Variants in RBBP8 observed in about 807,000 individuals in gnomAD.
The protein encoded by RBBP8 is RB binding protein 8, endonuclease.
RBBP8 carries 88 observed loss-of-function variants against 108.3 expected under a neutral mutation model. The observed-to-expected ratio is 0.81, with a 90% CI of 0.68 to 0.97. RBBP8 has a LOEUF of 0.97. Among genes scored for constraint, RBBP8 ranks in the 50% least tolerant of loss-of-function variants. RBBP8 has a pLI of 0.00. For synonymous variants in RBBP8, 332 were observed against 348.2 expected, an observed-to-expected ratio of 0.95 and a Z score of 0.52; for missense variants, 1,023 against 1,049.0, an observed-to-expected ratio of 0.98 and a Z score of 0.34.
At chr18:22,937,770 G>A (rs191853739) in intron 2 of RBBP8, among the ~76,000 whole-genome samples, 9 of 151,550 alleles carry the variant, frequency 5.9e-5, no homozygotes, top group African/African-American at 1.7e-4. Flanking sequence ...GAGCCACTGC[G>A]CCTGGCCCAA....
At position 22,990,998 on chromosome 18, in the gene RBBP8, A is replaced by G; in HGVS notation, c.869A>G (p.His290Arg). Residue 290 changes from histidine to arginine, a missense_variant, in exon 10 of 19, where the codon CAC (histidine) becomes CGC (arginine). Physicochemically the swap from His to Arg is conservative, Grantham distance 29. Coordinates refer to ENST00000327155, the MANE Select transcript of RBBP8 (RefSeq NM_002894.3). ...DELYHCLEGN[H>R]KKQPFEESTR... ...CTCTACCACTGTCTGGAAGGAAATCACAAGAAACAGCCTTTTGAGGAATCT... is the reference window on the plus strand; with the variant it reads ...CTCTACCACTGTCTGGAAGGAAATCGCAAGAAACAGCCTTTTGAGGAATCT... 1 of 1,613,858 alleles carries G rather than the reference A, an allele frequency of 6.2e-7. No homozygotes were observed. Among genetic ancestry groups the G allele is most frequent in the Non-Finnish European group, 8.5e-7 (1 of 1,179,822 alleles).
At chr18:22,932,369 A>C (rs987031724), upstream of RBBP8, among the ~76,000 whole-genome samples, 30 of 152,220 alleles carry the variant, frequency 2.0e-4, no homozygotes, top group African/African-American at 7.0e-4. Context: ...TTCTTTTAAA[A>C]ATGTGGAGTT....
At chr18:22,969,488 C>G (rs77653217) in intron 5 of RBBP8, among the ~76,000 whole-genome samples, 8,762 of 152,168 alleles carry the variant, frequency 0.058, 362 homozygotes, top group Middle Eastern at 0.12. Flanking sequence ...ATAAGCAACT[C>G]ACAATCAATA....
At position 23,014,942 on chromosome 18, in the gene RBBP8, A is replaced by T. The variant is rs1244018628; in HGVS notation, c.2358-1886A>T. Among the ~76,000 whole-genome samples the T allele has an allele frequency of 2.0e-5, 3 of 152,094 alleles. No homozygotes were observed. In the East Asian group the frequency reaches 5.8e-4, roughly 29 times the overall value. ...ACTTTGTTACCTAGGCTGAAGTGCAATGGCACAATCATTATTCACTGCAGC... is the reference window on the plus strand; with the variant it reads ...ACTTTGTTACCTAGGCTGAAGTGCATTGGCACAATCATTATTCACTGCAGC... On this transcript the variant is annotated intron_variant, in intron 16 of 18. Transcript: ENST00000327155.
chr18:22,998,309 T>C (rs928097793), intron 14 of RBBP8, among the ~76,000 whole-genome samples: 1 of 152,116 alleles, frequency 6.6e-6, no homozygotes, highest in African/African-American at 2.4e-5. Context: ...AGAATGATAG[T>C]GTATATGCTG....
chr18:22,937,463 C>T (rs1910672577), intron 2 of RBBP8, among the ~76,000 whole-genome samples: 1 of 151,594 alleles, frequency 6.6e-6, no homozygotes, highest in South Asian at 2.1e-4. Flanking sequence ...CATTTAATGG[C>T]CATCTTTAAA....
intron 5 of RBBP8, among the ~76,000 whole-genome samples, chr18:22,972,920 A>C (rs958049601): frequency 1.3e-5 from 2 of 152,342 alleles, no homozygotes; most frequent in Middle Eastern, 3.4e-3. Context: ...CTAATGACTG[A>C]AAATGGGAGG....
At chr18:22,923,388 A>C (rs1181582004) in intron 3 of RBBP8, among the ~76,000 whole-genome samples, 6 of 152,230 alleles carry the variant, frequency 3.9e-5, no homozygotes, top group Non-Finnish European at 7.3e-5. Flanking sequence ...CTCAACAATG[A>C]TTCCCCACAG....
In RBBP8 at chr18:22,943,760, G is replaced by A. The variant is rs549868664; in HGVS notation, c.110-2684G>A. On this transcript the variant is annotated intron_variant, in intron 2 of 18. Coordinates refer to ENST00000327155, the MANE Select transcript of RBBP8 (RefSeq NM_002894.3). ...CATAAATAACTTGTTTAAAATGACA[G>A]TACATACATTTTATATATATATATG... is the stretch of plus-strand genomic sequence containing the variant. 5.3e-5 allele frequency among the ~76,000 whole-genome samples: 8 copies of A among 152,204 alleles called. No individual in the cohort carries two copies. In the South Asian group the frequency reaches 1.7e-3, roughly 32 times the overall value.
At chr18:23,004,061 A>T (rs1247879719) in intron 15 of RBBP8, among the ~76,000 whole-genome samples, 14 of 104,458 alleles carry the variant, frequency 1.3e-4, no homozygotes, top group Non-Finnish European at 2.5e-4. Flanking sequence ...CGTCTCAAAA[A>T]AAAAAAAAAA....
chr18:22,995,033 C>T (rs1404547977), intron 12 of RBBP8, among the ~76,000 whole-genome samples: 2 of 151,994 alleles, frequency 1.3e-5, no homozygotes, highest in Non-Finnish European at 2.9e-5. Context: ...AGCCTGCTAT[C>T]TTTAAAAAAG....
At chr18:22,970,558 T>C (rs1220540282) in intron 5 of RBBP8, among the ~76,000 whole-genome samples, 1 of 152,212 alleles carries the variant, frequency 6.6e-6, no homozygotes, top group Non-Finnish European at 1.5e-5. Context: ...CTCTTCAGAT[T>C]TGGGCAAAAA....
At chr18:22,948,658 C>T (rs1381101765) in intron 3 of RBBP8, among the ~76,000 whole-genome samples, 1 of 152,126 alleles carries the variant, frequency 6.6e-6, no homozygotes, top group Non-Finnish European at 1.5e-5. Flanking sequence ...TATATTCTAG[C>T]CACTTTGACA....
intron 10 of RBBP8, among the ~76,000 whole-genome samples, 193 bp from the exon 11 acceptor site, chr18:22,992,555 T>C: frequency 6.6e-6 from 1 of 152,232 alleles, no homozygotes; most frequent in Non-Finnish European, 1.5e-5. Context: ...TTTTAAAATA[T>C]GAATATTATG....
At chr18:22,967,522 A>C (rs150480727) in intron 4 of RBBP8, among the ~76,000 whole-genome samples, 3 of 152,354 alleles carry the variant, frequency 2.0e-5, no homozygotes, top group Non-Finnish European at 4.4e-5. Context: ...AAAATCTCCC[A>C]TAATACTGTC....
intron 3 of RBBP8, among the ~76,000 whole-genome samples, chr18:22,925,604 A>C (rs961281889): frequency 6.6e-6 from 1 of 152,234 alleles, no homozygotes; most frequent in African/African-American, 2.4e-5. Context: ...CCATCAATTC[A>C]CAGGTGAAAA....
At chr18:22,945,472 C>T (rs1260079863) in intron 2 of RBBP8, among the ~76,000 whole-genome samples, 2 of 152,102 alleles carry the variant, frequency 1.3e-5, no homozygotes, top group Non-Finnish European at 2.9e-5. Context: ...ACCGCAGCCT[C>T]TGCCTCCCGG....
chr18:22,993,672 A>AAT, intron 11 of RBBP8, 33 bp downstream of exon 11: 1 of 1,614,246 alleles, frequency 6.2e-7, no homozygotes, highest in Non-Finnish European at 8.5e-7. Context: ...TTTTGATTAA[A>AAT]ATGATTGCTT....
intron 17 of RBBP8, among the ~76,000 whole-genome samples, chr18:23,017,527 G>A (rs142106191): frequency 0.01 from 1,540 of 148,106 alleles, 24 homozygotes; most frequent in African/African-American, 0.036. Flanking sequence ...GGTGGCGGGC[G>A]CCTGTAGTCC....
Sources: allele counts gnomAD v4.1 joint callset (sites outside exome capture counted in the v4.1 genomes callset), GRCh38; gene constraint gnomAD v4.1.1; transcripts MANE v1.5; gene names NCBI Gene and HGNC (gene_info 2026-07-23, HGNC 2026-07-21).